The following SPOCK2 variants were observed in gnomAD, a reference collection of about 807,000 sequenced individuals.
SPOCK2 encodes the protein SPARC (osteonectin), cwcv and kazal like domains proteoglycan 2.
A neutral mutation model predicts 60.1 loss-of-function variants in SPOCK2; 39 were observed. That is an observed-to-expected ratio of 0.65 (90% CI 0.50 to 0.85). The LOEUF is 0.85. Ranked by LOEUF, SPOCK2 falls within the 40% of genes least tolerant of loss-of-function variation. The pLI is 0.00. For missense variants in SPOCK2, 523 were observed against 567.4 expected (o/e 0.92, Z 0.80); for synonymous variants, 217 against 231.5 (o/e 0.94, Z 0.57).
chr10:72,063,826 A>G (rs576618109), intron 9 of SPOCK2, among the ~76,000 whole-genome samples: 2 of 152,250 alleles, frequency 1.3e-5, no homozygotes, highest in Non-Finnish European at 2.9e-5. Flanking sequence ...GGAGCATGTG[A>G]GTGAGTGTCA....
Position 72,066,946 on chromosome 10 carries a change from C to T in SPOCK2, c.884G>A (p.Gly295Asp). ...GCACCACTCAGCAGTAGAGACCCGG[C>T]CATCCTTGTAGGTGTCACAGGAGTT... Reference protein sequence around the residue: ...FFNSCDTYKDGRVSTAEWCFC... With the variant: ...FFNSCDTYKDDRVSTAEWCFC... The change falls in exon 8 of 11, where the codon GGC becomes GAC. Residue 295 changes from glycine to aspartate, a missense_variant. Coordinates refer to ENST00000373109, the MANE Select transcript of SPOCK2 (RefSeq NM_001244950.2). 3 of 1,614,180 alleles carry T rather than the reference C, an allele frequency of 1.9e-6. No homozygotes were observed. Among genetic ancestry groups the T allele is most frequent in the Non-Finnish European group, 2.5e-6 (3 of 1,180,024 alleles).
intron 8 of SPOCK2, among the ~76,000 whole-genome samples, chr10:72,066,051 C>G (rs990193890): frequency 6.6e-6 from 1 of 152,132 alleles, no homozygotes; most frequent in Non-Finnish European, 1.5e-5. Flanking sequence ...TCCCCAGCTC[C>G]AGCCACACAG....
chr10:72,079,537 T>C lies in SPOCK2; in HGVS notation c.190-6627A>G, dbSNP rs773407639. 3.3e-5 allele frequency among the ~76,000 whole-genome samples: 5 copies of C among 152,194 alleles called. No individual in the cohort carries two copies. In the East Asian group the frequency reaches 9.6e-4, roughly 29 times the overall value. On this transcript the variant is annotated intron_variant, in intron 1 of 10. Transcript: ENST00000373109. The stretch of plus-strand genomic sequence containing the variant: ...GGAGACGGTGCCCACTGAGCCAAGC[T>C]GGGGGAGACAGCAGTGAGTGCGCAG...
In SPOCK2 at chr10:72,067,665, A is replaced by C. The variant is rs1840588451; in HGVS notation, c.657T>G (p.His219Gln). ...DRLRDWFQLL[H>Q]ENSKQNGSAS... ...CTGAGCCATTCTGCTTGGAGTTCTC[A>C]TGAAGGAGCTGGAACCAGTCCCGCA... The change falls in exon 7 of 11, where the codon CAT (histidine) becomes CAG (glutamine). Residue 219 changes from histidine (H) to glutamine (Q), a missense_variant. Transcript: ENST00000373109. The C allele has an allele frequency of 6.2e-7, 1 of 1,613,578 alleles. No homozygotes were observed. The highest frequency in any genetic ancestry group is 1.1e-5 in the South Asian group (1 of 91,062).
chr10:72,064,278 C>A, intron 8 of SPOCK2, 38 bp from the exon 9 acceptor site: 1 of 1,546,094 alleles, frequency 6.5e-7, no homozygotes, highest in Non-Finnish European at 8.7e-7. Context: ...GGACTGTCCC[C>A]TGGTGCTGGG....
At position 72,067,867 on chromosome 10, in the gene SPOCK2, A is replaced by G. The variant is rs374448565; in HGVS notation, c.590-135T>C. 5.4e-5 allele frequency: 75 copies of G among 1,377,248 alleles called. No homozygotes were observed. In the Middle Eastern group the frequency reaches 6.2e-4, roughly 11 times the overall value. The allele number at this position is 1,377,248 out of a possible 1,614,324, so 85.3% of individuals were successfully genotyped here. A position where few individuals can be genotyped will look rare whatever the true frequency, so the allele number is the denominator to read the frequency against. On this transcript the variant is annotated intron_variant, in intron 6 of 10. Coordinates refer to ENST00000373109, the MANE Select transcript of SPOCK2 (RefSeq NM_001244950.2). ...GGCAGCAGCAGAAGGGAAGGTGGAA[A>G]TCGGGGGCTTCCTCTCGAGTCCTCT...
intron 5 of SPOCK2, among the ~76,000 whole-genome samples, chr10:72,069,502 C>G (rs1009516213): frequency 2.7e-5 from 4 of 149,040 alleles, no homozygotes; most frequent in African/African-American, 9.9e-5. Context: ...CAAGGTCTCA[C>G]TCTGTCACCC....
chr10:72,086,848 T>C, intron 1 of SPOCK2: 1 of 1,547,056 alleles, frequency 6.5e-7, no homozygotes. Context: ...TCTCTGCCTC[T>C]TCCCATCACT....
At chr10:72,085,050 G>A (rs1376845497) in intron 1 of SPOCK2, among the ~76,000 whole-genome samples, 1 of 152,186 alleles carries the variant, frequency 6.6e-6, no homozygotes, top group East Asian at 1.9e-4. Flanking sequence ...TGTGGAGCCT[G>A]CCCTGAAGAA....
At chr10:72,081,396 G>A (rs1282656036) in intron 1 of SPOCK2, among the ~76,000 whole-genome samples, 10 of 152,366 alleles carry the variant, frequency 6.6e-5, no homozygotes, top group Non-Finnish European at 1.5e-4. Flanking sequence ...GCTGGGCCTG[G>A]CTTGTCCTTC....
chr10:72,079,012 G>A (rs924689499), intron 1 of SPOCK2, among the ~76,000 whole-genome samples: 8 of 152,086 alleles, frequency 5.3e-5, no homozygotes, highest in African/African-American at 9.7e-5. Context: ...CAATTACCAC[G>A]TGGCAAGCAT....
chr10:72,083,433 T>G (rs1840815449), intron 1 of SPOCK2, among the ~76,000 whole-genome samples: 1 of 152,272 alleles, frequency 6.6e-6, no homozygotes, highest in Non-Finnish European at 1.5e-5. Context: ...GTCACACAGC[T>G]AGTTCTGTCC....
chr10:72,066,759 G>A, intron 8 of SPOCK2, 143 bp downstream of exon 8: 1 of 847,768 alleles, frequency 1.2e-6, no homozygotes, highest in Non-Finnish European at 1.8e-6. Flanking sequence ...CCCTAAGGGA[G>A]TGCAGGAAGT....
intron 8 of SPOCK2, among the ~76,000 whole-genome samples, chr10:72,066,436 C>G (rs1324957019): frequency 6.6e-6 from 1 of 151,384 alleles, no homozygotes; most frequent in Non-Finnish European, 1.5e-5. Context: ...TTCCTAGGCT[C>G]AAGCAATCCT....
intron 4 of SPOCK2, among the ~76,000 whole-genome samples, chr10:72,070,916 C>T (rs1360870520): frequency 1.3e-5 from 2 of 152,230 alleles, no homozygotes; most frequent in East Asian, 3.9e-4. Flanking sequence ...GAGTCCTGGA[C>T]CTGCATTCCT....
At chr10:72,070,021 G>T in intron 5 of SPOCK2, 1 of 300,330 alleles carries the variant, frequency 3.3e-6, no homozygotes, top group Non-Finnish European at 6.3e-6. Flanking sequence ...TCTTCCCTCA[G>T]TTCCTTTGAC....
upstream of SPOCK2, chr10:72,088,689 C>A (rs1840901332): frequency 1.6e-5 from 3 of 186,346 alleles, no homozygotes; most frequent in Middle Eastern, 4.1e-3. Context: ...GAGCGCCAAA[C>A]GCCAGCCAGC....
rs1214348222 is a variant in SPOCK2, at chr10:72,076,320, G to A, written c.190-3410C>T. ...GAAAAAAAGGTGTTTGTTGGCAAGTGCAAATAATGCCTTTCAGTGCAGTGT... is the reference window on the plus strand; with the variant it reads ...GAAAAAAAGGTGTTTGTTGGCAAGTACAAATAATGCCTTTCAGTGCAGTGT... On this transcript the variant is annotated intron_variant, in intron 1 of 10. Transcript: ENST00000373109. Among the ~76,000 whole-genome samples, 3 of 152,204 alleles carry A rather than the reference G, an allele frequency of 2.0e-5. No homozygotes were observed. In the East Asian group the frequency reaches 5.8e-4, roughly 29 times the overall value.
intron 1 of SPOCK2, among the ~76,000 whole-genome samples, chr10:72,079,816 C>A (rs1233940919): frequency 6.6e-6 from 1 of 152,062 alleles, no homozygotes; most frequent in African/African-American, 2.4e-5. Context: ...GACCTCACCC[C>A]CTACACCCCT....
Sources: gnomAD v4.1 joint callset for allele counts (sites outside exome capture counted in the v4.1 genomes callset) on GRCh38, gnomAD v4.1.1 for gene constraint, MANE v1.5 for transcripts, NCBI Gene and HGNC (gene_info 2026-07-23, HGNC 2026-07-21) for gene names.